ABCC9: variants seen among roughly 807,000 people sequenced by gnomAD.
The protein encoded by ABCC9 is ATP-binding cassette sub-family C member 9.
Under a neutral mutation model 188.3 loss-of-function variants are expected in ABCC9, and 95 were observed. The ratio of observed to expected loss-of-function variants is 0.50; its 90% CI spans 0.43 to 0.60. The LOEUF (loss-of-function observed/expected upper bound fraction) is 0.60. Among genes scored for constraint, ABCC9 ranks in the 20% least tolerant of loss-of-function variants. The pLI, the probability that ABCC9 is intolerant of heterozygous loss-of-function variation, is 0.00. For synonymous variants in ABCC9, 659 were observed against 652.7 expected, an observed-to-expected ratio of 1.01 and a Z score of -0.15; for missense variants, 1,102 against 1,876.3, an observed-to-expected ratio of 0.59 and a Z score of 7.62.
intron 16 of ABCC9, among the ~76,000 whole-genome samples, chr12:21,881,037 AACAC>A (rs374702057): frequency 1.3e-5 from 2 of 151,602 alleles, no homozygotes; most frequent in African/African-American, 2.4e-5. Flanking sequence ...CAAAAGAAGC[AACAC>A]ACACACACAC....
chr12:21,902,232 A>G (rs1374606799), intron 12 of ABCC9, among the ~76,000 whole-genome samples: 1 of 152,202 alleles, frequency 6.6e-6, no homozygotes, highest in Non-Finnish European at 1.5e-5. Flanking sequence ...AGAAATAAAG[A>G]TGTTCTTTGA....
At position 21,848,160 on chromosome 12, in the gene ABCC9, G is replaced by A. The variant is rs758697683; in HGVS notation, c.2856C>T (p.Asp952=). 30 of 1,613,170 alleles carry A rather than the reference G, an allele frequency of 1.9e-5. No homozygotes were observed. The African/African-American group carries it at 2.5e-4, about 14-fold the overall frequency. The change falls in exon 25 of 40, where the codon GAC becomes GAT. Residue 952 remains aspartate, a synonymous_variant. Transcript: ENST00000261200. ...YSREAKAQME[D]EDEEEEEEED... ...AGAAAAAAGATCTACCTTCGTCTTC[G>A]TCCTCCATCTGGGCTTTGGCTTCTC...
chr12:21,834,786 TACACAC>T (rs61211269), intron 30 of ABCC9, among the ~76,000 whole-genome samples: 9,435 of 141,506 alleles, frequency 0.067, 378 homozygotes, highest in South Asian at 0.12. Context: ...TATAACATTA[TACACAC>T]ACACACACAC....
Position 21,829,042 on chromosome 12 carries a change from T to G in ABCC9, c.3585A>C (p.Lys1195Asn). Residue 1195 changes from lysine to asparagine, a missense_variant, in exon 31 of 40, where the codon AAA becomes AAC. Lys to Asn is a moderately conservative substitution (Grantham distance 94, BLOSUM62 0). Transcript: ENST00000261200. ...TATCCGTCAGTTCCAGCATACGTTG[T>G]TTAAATCTGGTTTCATGCCTGCAGA... The part of the protein sequence containing the change: ...IRAFRHETRF[K>N]QRMLELTDTN... 1.2e-6 allele frequency: 2 copies of G among 1,614,010 alleles called. No homozygotes were observed. Among genetic ancestry groups the G allele is most frequent in the Non-Finnish European group, 1.7e-6 (2 of 1,179,936 alleles).
intron 30 of ABCC9, among the ~76,000 whole-genome samples, chr12:21,832,191 G>T (rs570094912): frequency 1.3e-5 from 2 of 152,246 alleles, no homozygotes; most frequent in South Asian, 4.1e-4. Flanking sequence ...AATAGGAAAG[G>T]TCACTAAAAT....
chr12:21,939,569 A>G (rs1565505046), intron 2 of ABCC9, among the ~76,000 whole-genome samples: 3 of 152,156 alleles, frequency 2.0e-5, no homozygotes, highest in Admixed American at 6.5e-5. Flanking sequence ...AAACTCTGTC[A>G]CCTGACATCC....
rs879206459 is a variant in ABCC9, at chr12:21,913,072, G to T, written c.817-6C>A. On this transcript the variant is annotated splice_polypyrimidine_tract_variant and splice_region_variant and intron_variant, in intron 7 of 39. Coordinates refer to ENST00000261200, the MANE Select transcript of ABCC9 (RefSeq NM_020297.4). ...GGATGATCTGCAACTTTTTTCTGAA[G>T]AAAAAAAAAAGAAAAAAAAAACAGA... 2.1e-5 allele frequency: 27 copies of T among 1,292,934 alleles called. No homozygotes were observed. Among genetic ancestry groups the T allele is most frequent in the Middle Eastern group, 2.0e-4 (1 of 4,922 alleles). 80.1% of individuals were successfully genotyped at this position (1,292,934 alleles called of 1,614,324 possible). A position where few individuals can be genotyped will look rare whatever the true frequency, so the allele number is the denominator to read the frequency against.
chr12:21,859,558 G>A, intron 22 of ABCC9, 28 bp downstream of exon 22: 1 of 1,602,714 alleles, frequency 6.2e-7, no homozygotes, highest in Non-Finnish European at 8.5e-7. Context: ...GAATGAAATA[G>A]AAATAAAAGG....
intron 31 of ABCC9, among the ~76,000 whole-genome samples, chr12:21,825,106 C>T (rs911816996): frequency 2.0e-5 from 3 of 152,082 alleles, no homozygotes; most frequent in Non-Finnish European, 4.4e-5. Flanking sequence ...CCATCTTATG[C>T]CAGTTAGAAT....
At chr12:21,830,072 G>T (rs780531490) in intron 30 of ABCC9, among the ~76,000 whole-genome samples, 1 of 152,052 alleles carries the variant, frequency 6.6e-6, no homozygotes, top group South Asian at 2.1e-4. Flanking sequence ...GATATATATC[G>T]TTTGGATATT....
At position 21,837,449 on chromosome 12, in the gene ABCC9, T is replaced by A. The variant is rs147925524; in HGVS notation, c.3566+629A>T. On this transcript the variant is annotated intron_variant, in intron 30 of 39. Coordinates refer to ENST00000261200, the MANE Select transcript of ABCC9 (RefSeq NM_020297.4). ...TTCAGAACGTTATAACACTAAAATATCAATTTTCTAGATTAAATGAAATTT... is the reference window on the plus strand; with the variant it reads ...TTCAGAACGTTATAACACTAAAATAACAATTTTCTAGATTAAATGAAATTT... Among the ~76,000 whole-genome samples the A allele has an allele frequency of 2.6e-3, 401 of 152,276 alleles. 2 individuals are homozygous for A. Among genetic ancestry groups the A allele is most frequent in the African/African-American group, 9.0e-3 (375 of 41,544 alleles).
intron 11 of ABCC9, among the ~76,000 whole-genome samples, chr12:21,907,141 G>A (rs1368280319): frequency 6.6e-6 from 1 of 152,084 alleles, no homozygotes. Flanking sequence ...TGTTCAATGA[G>A]TGAATGAATA....
intron 20 of ABCC9, 34 bp from the exon 21 acceptor site, chr12:21,861,089 CAATT>C: frequency 6.6e-7 from 1 of 1,523,956 alleles, no homozygotes; most frequent in Non-Finnish European, 9.1e-7. Context: ...TTTTAGATCT[CAATT>C]AATACATTGT....
At chr12:21,886,524 A>C (rs986763186) in intron 15 of ABCC9, among the ~76,000 whole-genome samples, 7 of 152,144 alleles carry the variant, frequency 4.6e-5, no homozygotes, top group Non-Finnish European at 7.4e-5. Flanking sequence ...TATTATTATA[A>C]TGACTTCTTT....
intron 39 of ABCC9, among the ~76,000 whole-genome samples, chr12:21,801,592 G>A (rs1258737464): frequency 3.9e-5 from 6 of 152,092 alleles, no homozygotes; most frequent in Non-Finnish European, 7.4e-5. Context: ...AACACAATTC[G>A]AAGAACCCTG....
rs764622641 is a variant in ABCC9 at position 21,852,207 on chromosome 12, C to G, written c.2659G>C (p.Asp887His). The change falls in exon 24 of 40, where the codon GAT becomes CAT. Residue 887 changes from aspartate to histidine, a missense_variant. Asp to His is a moderately conservative substitution (Grantham distance 81). Around this residue, in one of 12 missense-constraint regions of ABCC9, gnomAD observed 131 missense variants for 170.2 expected, o/e 0.77. Transcript: ENST00000261200. ...GTTCCTTCTCTTAGGACACTTCCAT[C>G]TTTCATGGCTATGATCTAAGGAAAG... ...THADWIIAMKDGSVLREGTLK... is the reference protein window; with the variant it reads ...THADWIIAMKHGSVLREGTLK... 2 of 1,613,712 alleles carry G rather than the reference C, an allele frequency of 1.2e-6. No homozygotes were observed. Among genetic ancestry groups the G allele is most frequent in the East Asian group, 2.2e-5 (1 of 44,838 alleles).
intron 18 of ABCC9, among the ~76,000 whole-genome samples, chr12:21,864,776 G>C (rs1489952684): frequency 6.6e-6 from 1 of 152,142 alleles, no homozygotes; most frequent in African/African-American, 2.4e-5. Context: ...CCAAACAGCT[G>C]TAAACTTGGG....
intron 2 of ABCC9, among the ~76,000 whole-genome samples, chr12:21,940,404 G>C (rs1283097426): frequency 6.6e-6 from 1 of 152,168 alleles, no homozygotes; most frequent in Non-Finnish European, 1.5e-5. Flanking sequence ...AACAAATGCT[G>C]TAATCACTTC....
intron 33 of ABCC9, among the ~76,000 whole-genome samples, chr12:21,816,538 A>T (rs909599849): frequency 6.6e-6 from 1 of 152,180 alleles, no homozygotes; most frequent in African/African-American, 2.4e-5. Context: ...TATTTTAAAT[A>T]TATGTACATA....
Sources: gnomAD v4.1 joint callset for allele counts (sites outside exome capture counted in the v4.1 genomes callset) on GRCh38, gnomAD v4.1.1 for gene constraint, gnomAD v4.1.1 regional missense constraint, MANE v1.5 for transcripts, NCBI Gene and HGNC (gene_info 2026-07-23, HGNC 2026-07-21) for gene names.